Variants in NEBL observed in about 807,000 individuals in gnomAD.
NEBL encodes LIM and SH3 protein 2.
In NEBL, 122 loss-of-function variants were observed where a neutral mutation model predicts 140.2. The observed-to-expected ratio is 0.87, with a 90% CI of 0.75 to 1.01. NEBL has a LOEUF of 1.01. Among genes scored for constraint, NEBL ranks in the 50% least tolerant of loss-of-function variants. The pLI, the probability that NEBL is intolerant of heterozygous loss-of-function variation, is 0.00. For synonymous variants in NEBL, 436 were observed against 398.9 expected, an observed-to-expected ratio of 1.09 and a Z score of -1.11; for missense variants, 1,365 against 1,231.3, an observed-to-expected ratio of 1.11 and a Z score of -1.62.
chr10:21,167,855 C>A (rs1292322763), intron 2 of NEBL, among the ~76,000 whole-genome samples: 1 of 152,168 alleles, frequency 6.6e-6, no homozygotes, highest in Non-Finnish European at 1.5e-5. Context: ...CATTTCTTTG[C>A]AAGTTCCATG....
chr10:21,173,901 G>A lies in NEBL; in HGVS notation c.-68C>T. ...CCCAGGAGCCGCTGTGACATCCCCC[G>A]GCGAGCCCCGCACCGCCTCCTGGCA... On this transcript the variant is annotated 5_prime_UTR_variant, in exon 1 of 7. Coordinates refer to the NEBL transcript ENST00000417816. The surrounding 1 kb of genome is among the most constrained non-coding windows in gnomAD (Gnocchi z 5.7). The A allele has an allele frequency of 6.3e-7, 1 of 1,581,752 alleles. No homozygotes were observed. The highest frequency in any genetic ancestry group is 8.6e-7 in the Non-Finnish European group (1 of 1,169,542).
Position 20,948,262 on chromosome 10 carries a change from C to T in NEBL, c.357+13410G>A, listed in dbSNP as rs572222593. On this transcript the variant is annotated intron_variant, in intron 4 of 6. Transcript: ENST00000417816. ...ATGTAAATAATCTTAACCATCTGTCCGGCCTCTTGCTAAATATTTCATGCC... is the reference window on the plus strand; with the variant it reads ...ATGTAAATAATCTTAACCATCTGTCTGGCCTCTTGCTAAATATTTCATGCC... Among the ~76,000 whole-genome samples the T allele has an allele frequency of 1.1e-4, 16 of 152,262 alleles. 3 individuals carry two copies. Among genetic ancestry groups the T allele is most frequent in the African/African-American group, 2.6e-4 (11 of 41,552 alleles).
chr10:20,917,009 C>A (rs1173447170), intron 4 of NEBL, among the ~76,000 whole-genome samples: 1 of 152,082 alleles, frequency 6.6e-6, no homozygotes, highest in African/African-American at 2.4e-5. Flanking sequence ...GGAATGAACT[C>A]AGACTATTAT....
At chr10:21,088,188 A>AC (rs1048878484) in intron 2 of NEBL, among the ~76,000 whole-genome samples, 8 of 152,184 alleles carry the variant, frequency 5.3e-5, no homozygotes, top group African/African-American at 9.7e-5. Flanking sequence ...AAAGGGACAC[A>AC]GTGTACCACA....
intron 5 of NEBL, among the ~76,000 whole-genome samples, chr10:20,875,260 C>G (rs928966119): frequency 6.6e-6 from 1 of 152,138 alleles, no homozygotes; most frequent in African/African-American, 2.4e-5. Flanking sequence ...GTTCCCTATG[C>G]TCGTGCAGAG....
At chr10:20,812,980 GT>G (rs1359214912) in intron 23 of NEBL, 40 bp from the exon 24 acceptor site, 1 of 1,544,206 alleles carries the variant, frequency 6.5e-7, no homozygotes, top group South Asian at 1.1e-5. Flanking sequence ...TTTGCGGATA[GT>G]TACCTCTTTC....
intron 2 of NEBL, among the ~76,000 whole-genome samples, chr10:21,075,902 A>C (rs180676399): frequency 1.3e-5 from 2 of 152,338 alleles, no homozygotes; most frequent in Non-Finnish European, 2.9e-5. Flanking sequence ...AAGAAAATAG[A>C]CAAATGACCA....
intron 4 of NEBL, 56 bp from the exon 5 acceptor site, chr10:20,880,960 C>T: frequency 7.2e-7 from 1 of 1,382,570 alleles, no homozygotes; most frequent in Non-Finnish European, 1.0e-6. Context: ...TTCTTGCCTG[C>T]TAATTTCAGT....
At chr10:21,257,657 G>A (rs913622958) in intron 1 of NEBL, among the ~76,000 whole-genome samples, 43 of 152,066 alleles carry the variant, frequency 2.8e-4, no homozygotes, top group Non-Finnish European at 5.7e-4. Context: ...AGGCCGAGGC[G>A]GGCGGATCAC....
At chr10:21,050,737 A>G (rs1195388441) in intron 2 of NEBL, among the ~76,000 whole-genome samples, 1 of 152,224 alleles carries the variant, frequency 6.6e-6, no homozygotes, top group Non-Finnish European at 1.5e-5. Context: ...ACAATAGTAG[A>G]AGAAAAGCTA....
rs1255985854 is a variant in NEBL, at chr10:21,290,235, T to C, written n.182+2595A>G. Among the ~76,000 whole-genome samples, 4 of 152,188 alleles carry C rather than the reference T, an allele frequency of 2.6e-5. No homozygotes were observed. In the East Asian group the frequency reaches 5.8e-4, roughly 22 times the overall value. On this transcript the variant is annotated intron_variant and non_coding_transcript_variant, in intron 1 of 8. Transcript: ENST00000675702. ...GACAGTCTATCCACTGCATGAGTTGTAGTCAGAGTAAAGAGAACCATCCTC... is the reference window on the plus strand; with the variant it reads ...GACAGTCTATCCACTGCATGAGTTGCAGTCAGAGTAAAGAGAACCATCCTC...
At chr10:20,901,766 T>C (rs954475028), upstream of NEBL, among the ~76,000 whole-genome samples, 1 of 152,320 alleles carries the variant, frequency 6.6e-6, no homozygotes, top group Middle Eastern at 3.4e-3. Flanking sequence ...TTGATGACCG[T>C]CTTCCGGAAG....
intron 13 of NEBL, 27 bp downstream of exon 13, chr10:20,840,712 T>A (rs1174199891): frequency 1.4e-6 from 2 of 1,408,632 alleles, no homozygotes; most frequent in South Asian, 1.2e-5. Flanking sequence ...AACATATTCA[T>A]CTAAGGTGTT....
intron 10 of NEBL, among the ~76,000 whole-genome samples, chr10:20,851,550 C>A (rs1842518045): frequency 1.3e-5 from 2 of 148,956 alleles, no homozygotes; most frequent in Admixed American, 1.3e-4. Context: ...CCAAGGCGGG[C>A]AGATCACAAG....
chr10:21,187,142 C>T (rs1211140159), intron 3 of NEBL, among the ~76,000 whole-genome samples: 2 of 152,016 alleles, frequency 1.3e-5, no homozygotes, highest in African/African-American at 4.8e-5. Flanking sequence ...CATACATACA[C>T]ACATGCACAC....
intron 2 of NEBL, among the ~76,000 whole-genome samples, chr10:20,894,804 C>T (rs538550788): frequency 1.3e-5 from 2 of 150,450 alleles, no homozygotes; most frequent in African/African-American, 4.9e-5. Context: ...TGGCAGGCGC[C>T]TGTGGTCCCG....
upstream of NEBL, among the ~76,000 whole-genome samples, chr10:20,901,999 G>A (rs1296292915): frequency 6.6e-6 from 1 of 152,160 alleles, no homozygotes; most frequent in African/African-American, 2.4e-5. Context: ...TAGAATTCAT[G>A]AACATATTTT....
At chr10:20,935,285 G>A (rs1834418833) in intron 4 of NEBL, among the ~76,000 whole-genome samples, 1 of 152,110 alleles carries the variant, frequency 6.6e-6, no homozygotes, top group Admixed American at 6.5e-5. Flanking sequence ...TTCATTTCTG[G>A]ATAAAAAATA....
Position 20,844,791 on chromosome 10 carries a change from T to C in NEBL, c.1227+467A>G, listed in dbSNP as rs1305316063. ...TGAGCATCTTATTTCTGATATCAAA[T>C]GTCAAGAAAGGGAGAGAACTCTGGT... On this transcript the variant is annotated intron_variant, in intron 12 of 27. Coordinates refer to ENST00000377122, the MANE Select transcript of NEBL (RefSeq NM_006393.3). 2.0e-5 allele frequency among the ~76,000 whole-genome samples: 3 copies of C among 152,102 alleles called. No individual in the cohort carries two copies. The East Asian group carries it at 5.8e-4, about 29-fold the overall frequency.
Sources: allele counts gnomAD v4.1 joint callset (sites outside exome capture counted in the v4.1 genomes callset), GRCh38; gene constraint gnomAD v4.1.1; non-coding constraint Gnocchi (gnomAD v3.1); transcripts MANE v1.5; gene names NCBI Gene and HGNC (gene_info 2026-07-23, HGNC 2026-07-21).